The following CHSY1 variants were observed in gnomAD, a reference collection of about 807,000 sequenced individuals.
The protein encoded by CHSY1 is N-acetylgalactosaminyl-proteoglycan 3-beta-glucuronosyltransferase 1.
A neutral mutation model predicts 59.8 loss-of-function variants in CHSY1; 13 were observed. The observed-to-expected ratio is 0.22, with a 90% CI of 0.14 to 0.35. The LOEUF (loss-of-function observed/expected upper bound fraction) is 0.35, where lower values mean the gene tolerates loss of function less well. Among genes scored for constraint, CHSY1 ranks in the 10% least tolerant of loss-of-function variants. CHSY1 has a pLI of 1.00. For synonymous variants in CHSY1, 459 were observed against 401.2 expected (o/e 1.14, Z -1.72); for missense variants, 947 against 1,030.6 (o/e 0.92, Z 1.11).
intron 1 of CHSY1, among the ~76,000 whole-genome samples, chr15:101,247,944 T>A (rs11636628): frequency 0.31 from 47,581 of 152,124 alleles, 10,329 homozygotes; most frequent in African/African-American, 0.62. Context: ...ACTAGTCCCT[T>A]CACCTAAATT....
At chr15:101,201,497 T>C (rs1328697106) in intron 2 of CHSY1, among the ~76,000 whole-genome samples, 3 of 152,176 alleles carry the variant, frequency 2.0e-5, no homozygotes, top group African/African-American at 7.2e-5. Context: ...CTCCTTCCCA[T>C]CCTTCTGGGG....
chr15:101,250,139 G>A (rs1051844344), intron 1 of CHSY1, among the ~76,000 whole-genome samples: 2 of 152,208 alleles, frequency 1.3e-5, no homozygotes, highest in African/African-American at 2.4e-5. Context: ...GCTTAGCCTG[G>A]CTCAGCACTG....
intron 2 of CHSY1, among the ~76,000 whole-genome samples, chr15:101,200,700 C>T (rs1430904624): frequency 2.6e-5 from 4 of 152,192 alleles, no homozygotes; most frequent in African/African-American, 7.2e-5. Flanking sequence ...CTATGATTCT[C>T]TTCATTTCTT....
chr15:101,199,753 C>T (rs929494668), intron 2 of CHSY1, among the ~76,000 whole-genome samples: 5 of 152,158 alleles, frequency 3.3e-5, no homozygotes, highest in Non-Finnish European at 5.9e-5. Flanking sequence ...ACAGGAAACA[C>T]GACGCACCAG....
chr15:101,225,852 A>C (rs535976811), intron 2 of CHSY1, among the ~76,000 whole-genome samples: 55 of 152,302 alleles, frequency 3.6e-4, no homozygotes, highest in Middle Eastern at 3.4e-3. Flanking sequence ...CTGTGATCTC[A>C]ATCTCTTCAA....
chr15:101,228,743 T>A (rs552267092), intron 2 of CHSY1, among the ~76,000 whole-genome samples: 1 of 152,150 alleles, frequency 6.6e-6, no homozygotes, highest in East Asian at 1.9e-4. Context: ...TCTTTCAAGC[T>A]GAAATGAAAG....
chr15:101,216,843 CT>C (rs2038738199), intron 2 of CHSY1, among the ~76,000 whole-genome samples: 1 of 152,148 alleles, frequency 6.6e-6, no homozygotes, highest in African/African-American at 2.4e-5. Flanking sequence ...AACCCATGAA[CT>C]TTACAAAGCA....
At chr15:101,249,510 A>ATTTTTTTTTTTTT (rs34753057) in intron 1 of CHSY1, among the ~76,000 whole-genome samples, 2 of 113,044 alleles carry the variant, frequency 1.8e-5, no homozygotes, top group East Asian at 2.5e-4. Context: ...GATAGATAGA[A>ATTTTTTTTTTTTT]TTTTTTTTTT....
intron 2 of CHSY1, among the ~76,000 whole-genome samples, chr15:101,183,621 A>T (rs925498964): frequency 3.3e-5 from 5 of 152,246 alleles, no homozygotes; most frequent in Admixed American, 6.5e-5. Context: ...GCTGTAAAGA[A>T]GATGACAGGA....
chr15:101,177,444 T>C lies in CHSY1; in HGVS notation c.2353A>G (p.Asn785Asp). 1 of 1,613,586 alleles carries C rather than the reference T, an allele frequency of 6.2e-7. No homozygotes were observed. The highest frequency in any genetic ancestry group is 8.5e-7 in the Non-Finnish European group (1 of 1,179,850). Residue 785 changes from asparagine to aspartate, a missense_variant, in exon 3 of 3, where the codon AAT becomes GAT. By Grantham distance (23) the Asn-to-Asp change is conservative (BLOSUM62 1). Transcript: ENST00000254190. Reference protein sequence around the residue: ...QQLAEMWLEKNDPSYSKSSNN... With the variant: ...QQLAEMWLEKDDPSYSKSSNN... Reference sequence around the variant, plus strand: ...CTGCTTTTACTGTAACTTGGATCATTTTTTTCCAGCCACATCTCAGCCAGC... The same window carrying C: ...CTGCTTTTACTGTAACTTGGATCATCTTTTTCCAGCCACATCTCAGCCAGC...
At chr15:101,228,993 C>T (rs1159537244) in intron 2 of CHSY1, among the ~76,000 whole-genome samples, 6 of 152,114 alleles carry the variant, frequency 3.9e-5, no homozygotes, top group Admixed American at 3.9e-4. Flanking sequence ...TACACATGAG[C>T]AAATCTTGTG....
intron 1 of CHSY1, among the ~76,000 whole-genome samples, chr15:101,238,030 C>T (rs148548527): frequency 6.6e-6 from 1 of 152,208 alleles, no homozygotes; most frequent in East Asian, 1.9e-4. Context: ...AAGAGGTACA[C>T]AAGGAGGAAA....
chr15:101,177,175 C>A lies in CHSY1; in HGVS notation c.*213G>T, dbSNP rs1225730821. 1.1e-5 allele frequency: 5 copies of A among 475,430 alleles called. No individual in the cohort carries two copies. The East Asian group carries it at 1.7e-4, about 16-fold the overall frequency. 29.5% of individuals were successfully genotyped at this position (475,430 alleles called of 1,614,324 possible). A position where few individuals can be genotyped will look rare whatever the true frequency, so the allele number is the denominator to read the frequency against. On this transcript the variant is annotated 3_prime_UTR_variant, in exon 3 of 3. Coordinates refer to ENST00000254190, the MANE Select transcript of CHSY1 (RefSeq NM_014918.5). ...AGGTACATTTCAAGTCAAAGTTAAGCAGGTCTGCTACATAATGTTCAGCAA... is the reference window on the plus strand; with the variant it reads ...AGGTACATTTCAAGTCAAAGTTAAGAAGGTCTGCTACATAATGTTCAGCAA...
chr15:101,250,993 C>T (rs998468485), intron 1 of CHSY1, 144 bp downstream of exon 1: 2 of 722,866 alleles, frequency 2.8e-6, no homozygotes, highest in Non-Finnish European at 2.3e-6. Flanking sequence ...CTCGGCCCGG[C>T]GTCTCCCGAG....
intron 2 of CHSY1, among the ~76,000 whole-genome samples, chr15:101,233,637 G>T (rs996010758): frequency 2.0e-5 from 3 of 152,154 alleles, no homozygotes; most frequent in Non-Finnish European, 4.4e-5. Context: ...CCTATGTGCT[G>T]GGGTTGGGGG....
chr15:101,241,368 C>A (rs904030193), intron 1 of CHSY1, among the ~76,000 whole-genome samples: 1 of 152,178 alleles, frequency 6.6e-6, no homozygotes, highest in East Asian at 1.9e-4. Context: ...GGATTACCGG[C>A]GGAAGCCATT....
chr15:101,199,756 C>T (rs1046100816), intron 2 of CHSY1, among the ~76,000 whole-genome samples: 2 of 152,168 alleles, frequency 1.3e-5, no homozygotes, highest in Admixed American at 1.3e-4. Context: ...GGAAACACGA[C>T]GCACCAGATT....
rs573785211 is a variant in CHSY1, at chr15:101,235,287, G to A, written c.611C>T (p.Thr204Met). The change falls in exon 2 of 3, where the codon ACG becomes ATG. Residue 204 changes from threonine to methionine, a missense_variant. Transcript: ENST00000254190. ...CAGGGCCAGTTTTCCCATTTCTTCCGTGGTGCCCAGGCCTGTCTGCCCAAG... is the reference window on the plus strand; with the variant it reads ...CAGGGCCAGTTTTCCCATTTCTTCCATGGTGCCCAGGCCTGTCTGCCCAAG... ...LFLGQTGLGT[T>M]EEMGKLALEP... 3.5e-5 allele frequency: 57 copies of A among 1,614,032 alleles called. 1 individual carries two copies. Among genetic ancestry groups the A allele is most frequent in the South Asian group, 1.9e-4 (17 of 91,086 alleles).
At chr15:101,213,481 C>T (rs1412968196) in intron 2 of CHSY1, among the ~76,000 whole-genome samples, 1 of 152,098 alleles carries the variant, frequency 6.6e-6, no homozygotes, top group Non-Finnish European at 1.5e-5. Flanking sequence ...TACAATTAAA[C>T]CCAAGTGCCA....
Sources: gnomAD v4.1 joint callset for allele counts (sites outside exome capture counted in the v4.1 genomes callset) on GRCh38, gnomAD v4.1.1 for gene constraint, MANE v1.5 for transcripts, NCBI Gene and HGNC (gene_info 2026-07-23, HGNC 2026-07-21) for gene names.